KCNQ3: variants seen among roughly 807,000 people sequenced by gnomAD.
KCNQ3 encodes potassium voltage-gated channel subfamily Q member 3.
KCNQ3 carries 30 observed loss-of-function variants against 92.5 expected under a neutral mutation model. The ratio of observed to expected loss-of-function variants is 0.32; its 90% CI spans 0.24 to 0.44. The LOEUF is 0.44. Ranked by LOEUF, KCNQ3 falls within the 20% of genes least tolerant of loss-of-function variation. The probability of loss-of-function intolerance (pLI) is 1.00; values close to 1 mark genes in which losing one functional copy is unlikely to be tolerated. For missense variants in KCNQ3, 913 were observed against 1,140.3 expected (o/e 0.80, Z 2.87); for synonymous variants, 450 against 468.8 (o/e 0.96, Z 0.52).
intron 1 of KCNQ3, among the ~76,000 whole-genome samples, chr8:132,310,442 G>T (rs887490415): frequency 6.6e-6 from 1 of 152,176 alleles, no homozygotes; most frequent in African/African-American, 2.4e-5. Context: ...GGAGTGCGGG[G>T]CAAAGCGCCC....
chr8:132,144,881 G>A (rs1043981916), intron 9 of KCNQ3, among the ~76,000 whole-genome samples: 1 of 152,128 alleles, frequency 6.6e-6, no homozygotes, highest in Non-Finnish European at 1.5e-5. Flanking sequence ...TCCATTCTCT[G>A]TGCCCCTAGT....
chr8:132,374,099 G>A (rs1297567060), intron 1 of KCNQ3, among the ~76,000 whole-genome samples: 2 of 152,080 alleles, frequency 1.3e-5, no homozygotes, highest in African/African-American at 2.4e-5. Flanking sequence ...TCCTGTCAAG[G>A]AGGCCACTTG....
chr8:132,360,107 C>T (rs1462719960), intron 1 of KCNQ3, among the ~76,000 whole-genome samples: 6 of 152,180 alleles, frequency 3.9e-5, no homozygotes, highest in Non-Finnish European at 8.8e-5. Flanking sequence ...AGGTCAATGA[C>T]CAAACTCCCT....
chr8:132,448,502 G>GAAAAAAAAAAAAAAA, intron 1 of KCNQ3, among the ~76,000 whole-genome samples: 12 of 93,840 alleles, frequency 1.3e-4, no homozygotes, highest in African/African-American at 3.0e-4. Context: ...GGAGAAATAT[G>GAAAAAAAAAAAAAAA]AAAAAAAAAA....
Position 132,230,481 on chromosome 8 carries a change from GAA to G in KCNQ3, c.387-44302_387-44301del, listed in dbSNP as rs71276515. ...AGAGAGAGAGAGAGAGAGAGAGAGA[GAA>G]AATCCTTTAACCTCTTACCATATTA... On this transcript the variant is annotated intron_variant, in intron 1 of 14. Coordinates refer to ENST00000388996, the MANE Select transcript of KCNQ3 (RefSeq NM_004519.4). Among the ~76,000 whole-genome samples, 583 of 139,704 alleles carry G rather than the reference GAA, an allele frequency of 4.2e-3. 2 individuals carry two copies. The highest frequency in any genetic ancestry group is 0.015 in the African/African-American group (549 of 36,188). The allele number at this position is 139,704 out of a possible 152,430, so 91.7% of individuals were successfully genotyped here.
At chr8:132,249,795 T>C (rs1186803968) in intron 1 of KCNQ3, among the ~76,000 whole-genome samples, 2 of 152,176 alleles carry the variant, frequency 1.3e-5, no homozygotes, top group Non-Finnish European at 1.5e-5. Context: ...TCCTGAGCCC[T>C]GCCCCGCAAA....
chr8:132,152,716 C>G (rs1249484576), intron 9 of KCNQ3, among the ~76,000 whole-genome samples: 3 of 152,268 alleles, frequency 2.0e-5, no homozygotes, highest in Non-Finnish European at 4.4e-5. Context: ...CATTTTCTAA[C>G]AGGCCCAGGA....
At chr8:132,192,672 C>T (rs541901920) in intron 1 of KCNQ3, among the ~76,000 whole-genome samples, 2 of 152,096 alleles carry the variant, frequency 1.3e-5, no homozygotes, top group Admixed American at 6.5e-5. Flanking sequence ...ATTTTCAAGA[C>T]GGAATCTCGC....
chr8:132,324,119 T>C (rs1817973172), intron 1 of KCNQ3, among the ~76,000 whole-genome samples: 1 of 152,186 alleles, frequency 6.6e-6, no homozygotes, highest in African/African-American at 2.4e-5. Context: ...CTGGATAATT[T>C]CAATCTGAAA....
intron 9 of KCNQ3, among the ~76,000 whole-genome samples, chr8:132,144,040 T>C (rs766995639): frequency 1.3e-5 from 2 of 152,206 alleles, no homozygotes; most frequent in African/African-American, 2.4e-5. Flanking sequence ...AATTGTTGAA[T>C]ATAAGGAAGA....
intron 4 of KCNQ3, among the ~76,000 whole-genome samples, chr8:132,179,128 T>C (rs927680487): frequency 6.7e-6 from 1 of 150,056 alleles, no homozygotes; most frequent in African/African-American, 2.5e-5. Context: ...GACACAGGGG[T>C]TTTCCTTCAT....
chr8:132,269,805 C>T (rs972035041), intron 1 of KCNQ3, among the ~76,000 whole-genome samples: 4 of 152,166 alleles, frequency 2.6e-5, no homozygotes, highest in Non-Finnish European at 1.5e-5. Flanking sequence ...TCCTCCTGAC[C>T]TACCCTCTTT....
intron 1 of KCNQ3, among the ~76,000 whole-genome samples, chr8:132,317,694 T>C (rs1303941287): frequency 6.6e-6 from 1 of 152,056 alleles, no homozygotes; most frequent in Non-Finnish European, 1.5e-5. Flanking sequence ...CCACCCCACC[T>C]CTCCTCTTGT....
In KCNQ3 at chr8:132,129,347, A is replaced by G. The variant is rs751186425; in HGVS notation, c.2534T>C (p.Phe845Ser). The stretch of plus-strand genomic sequence containing the variant: ...CAGAGGCATGGAGCCGCTGGGCGTG[A>G]AGGGGTCCGTGTCTGTGTCCGTCTC... ...EGETDTDTDPFTPSGSMPLSS... is the reference protein window; with the variant it reads ...EGETDTDTDPSTPSGSMPLSS... Residue 845 changes from phenylalanine (F) to serine (S), a missense_variant, in exon 15 of 15, where the codon TTC becomes TCC. Phe to Ser is a radical substitution (Grantham distance 155). Around this residue, in one of 6 missense-constraint regions of KCNQ3, gnomAD observed 375 missense variants for 376.4 expected, o/e 1.00. Coordinates refer to ENST00000388996, the MANE Select transcript of KCNQ3 (RefSeq NM_004519.4). The surrounding 1 kb of genome is among the most constrained non-coding windows in gnomAD (Gnocchi z 5.9). 1.2e-6 allele frequency: 2 copies of G among 1,614,092 alleles called. No individual in the cohort carries two copies. The highest frequency in any genetic ancestry group is 1.1e-5 in the South Asian group (1 of 91,086).
At chr8:132,172,964 C>T (rs1256001331) in intron 6 of KCNQ3, among the ~76,000 whole-genome samples, 3 of 152,180 alleles carry the variant, frequency 2.0e-5, no homozygotes, top group Admixed American at 2.0e-4. Context: ...TGGGCAAGCC[C>T]CTTAGCCCTG....
At chr8:132,467,925 G>C (rs530789802) in intron 1 of KCNQ3, among the ~76,000 whole-genome samples, 2 of 152,256 alleles carry the variant, frequency 1.3e-5, no homozygotes, top group African/African-American at 4.8e-5. Flanking sequence ...ACGAAGACTT[G>C]GTTTGGGTCC....
chr8:132,442,483 C>A (rs1306185520), intron 1 of KCNQ3, among the ~76,000 whole-genome samples: 2 of 152,200 alleles, frequency 1.3e-5, no homozygotes, highest in African/African-American at 4.8e-5. Context: ...CCACTGGTTT[C>A]CCTGGTGCCT....
intron 1 of KCNQ3, among the ~76,000 whole-genome samples, chr8:132,425,112 G>A (rs1186548162): frequency 6.6e-6 from 1 of 152,174 alleles, no homozygotes; most frequent in Non-Finnish European, 1.5e-5. Flanking sequence ...TCAGATCAAA[G>A]TTACATCAGC....
intron 1 of KCNQ3, 129 bp downstream of exon 1, chr8:132,480,018 G>T: frequency 1.2e-6 from 1 of 834,200 alleles, no homozygotes; most frequent in Non-Finnish European, 1.9e-6. Flanking sequence ...GCTGAGGACG[G>T]GCTGGTCTCC....
Sources: gnomAD v4.1 joint callset for allele counts (sites outside exome capture counted in the v4.1 genomes callset) on GRCh38, gnomAD v4.1.1 for gene constraint, gnomAD v4.1.1 regional missense constraint, Gnocchi (gnomAD v3.1) non-coding constraint, MANE v1.5 for transcripts, NCBI Gene and HGNC (gene_info 2026-07-23, HGNC 2026-07-21) for gene names.